The following MAPKAPK5 variants were observed in gnomAD, a reference collection of about 807,000 sequenced individuals.
The protein encoded by MAPKAPK5 is MAPK activated protein kinase 5.
MAPKAPK5 carries 30 observed loss-of-function variants against 65.1 expected under a neutral mutation model. That is an observed-to-expected ratio of 0.46 (90% CI 0.34 to 0.63). The LOEUF is 0.63. Ranked by LOEUF, MAPKAPK5 falls within the 20% of genes least tolerant of loss-of-function variation. The pLI is 0.01. For missense variants in MAPKAPK5, 433 were observed against 581.4 expected (o/e 0.74, Z 2.63); for synonymous variants, 179 against 204.6 (o/e 0.87, Z 1.07).
intron 7 of MAPKAPK5, among the ~76,000 whole-genome samples, chr12:111,872,052 A>G (rs769267454): frequency 6.6e-6 from 1 of 152,182 alleles, no homozygotes; most frequent in Non-Finnish European, 1.5e-5. Flanking sequence ...TTCATTATAT[A>G]CCTAAGCTGC....
intron 7 of MAPKAPK5, among the ~76,000 whole-genome samples, chr12:111,872,649 G>A (rs568825718): frequency 1.3e-5 from 2 of 152,324 alleles, no homozygotes; most frequent in Admixed American, 1.3e-4. Context: ...TAATCAAGGT[G>A]TCAGCAGGGC....
intron 1 of MAPKAPK5, among the ~76,000 whole-genome samples, chr12:111,858,446 C>CT (rs1429126873): frequency 6.6e-6 from 1 of 150,994 alleles, no homozygotes; most frequent in Admixed American, 6.6e-5. Context: ...TTTCTTTAAT[C>CT]TTTTTTCTGT....
At position 111,842,233 on chromosome 12, in the gene MAPKAPK5, G is replaced by A. The variant is rs928619601; in HGVS notation, c.-501G>A. 1.3e-5 allele frequency: 2 copies of A among 152,926 alleles called. No homozygotes were observed. The highest frequency in any genetic ancestry group is 4.8e-5 in the African/African-American group (2 of 41,420). The allele number at this position is 152,926 out of a possible 1,614,324, so 9.5% of individuals were successfully genotyped here. ...CGGGGCTGCCCGGCGCGGGTGTCCC[G>A]GCGATGTGTGGCGCTGAGGCGGCGG... is the stretch of plus-strand genomic sequence containing the variant. On this transcript the variant is annotated 5_prime_UTR_variant, in exon 1 of 14. Transcript: ENST00000550735.
intron 10 of MAPKAPK5, 84 bp downstream of exon 10, chr12:111,886,120 CA>C: frequency 1.3e-6 from 2 of 1,581,126 alleles, no homozygotes; most frequent in Non-Finnish European, 8.7e-7. Flanking sequence ...GGGTTAGAGG[CA>C]AAACAGTGCA....
chr12:111,849,237 G>T (rs2068995355), intron 1 of MAPKAPK5, among the ~76,000 whole-genome samples: 1 of 150,732 alleles, frequency 6.6e-6, no homozygotes, highest in African/African-American at 2.4e-5. Flanking sequence ...CTGGCCAAGA[G>T]TTCTTTTTTT....
In MAPKAPK5 at chr12:111,897,115, G is replaced by C. The variant is rs1331771691; in HGVS notation, c.*4054G>C. 1 of 152,188 alleles carries C rather than the reference G, an allele frequency of 6.6e-6. No homozygotes were observed. The highest frequency in any genetic ancestry group is 1.5e-5 in the Non-Finnish European group (1 of 68,086). The allele number at this position is 152,188 out of a possible 1,614,324, so 9.4% of individuals were successfully genotyped here. A position where few individuals can be genotyped will look rare whatever the true frequency, so the allele number is the denominator to read the frequency against. On this transcript the variant is annotated 3_prime_UTR_variant, in exon 14 of 14. Coordinates refer to ENST00000550735, the MANE Select transcript of MAPKAPK5 (RefSeq NM_003668.4). ...CCATTGCACTCCAGCCTGGGTGACAGAGCAAAACTCCGTCTCAGAAATAAA... is the reference window on the plus strand; with the variant it reads ...CCATTGCACTCCAGCCTGGGTGACACAGCAAAACTCCGTCTCAGAAATAAA...
intron 1 of MAPKAPK5, among the ~76,000 whole-genome samples, chr12:111,855,773 G>A (rs1217208403): frequency 4.0e-5 from 6 of 151,548 alleles, no homozygotes; most frequent in African/African-American, 1.5e-4. Flanking sequence ...ATTGCAGTGA[G>A]CCAAGATTGC....
intron 10 of MAPKAPK5, among the ~76,000 whole-genome samples, chr12:111,887,190 C>T (rs536564741): frequency 5.3e-5 from 8 of 152,250 alleles, no homozygotes; most frequent in African/African-American, 1.7e-4. Flanking sequence ...AAGTGTTAGA[C>T]GTCTCTTTCT....
At chr12:111,860,791 TTTTAAC>T (rs1367167041) in intron 1 of MAPKAPK5, among the ~76,000 whole-genome samples, 1 of 152,078 alleles carries the variant, frequency 6.6e-6, no homozygotes, top group Non-Finnish European at 1.5e-5. Context: ...CAATTTTAAT[TTTTAAC>T]TTTTCCATTG....
chr12:111,870,402 A>C, intron 6 of MAPKAPK5, 42 bp downstream of exon 6: 1 of 1,521,918 alleles, frequency 6.6e-7, no homozygotes, highest in Non-Finnish European at 9.1e-7. Context: ...TGCAACTCTT[A>C]ACATAGTTCA....
intron 1 of MAPKAPK5, among the ~76,000 whole-genome samples, chr12:111,855,938 C>G (rs969442589): frequency 6.6e-6 from 1 of 151,496 alleles, no homozygotes. Context: ...TCACCGCAAC[C>G]TCTGCCTCCC....
chr12:111,900,551 C>T lies in MAPKAPK5; in HGVS notation c.*7490C>T. ...TATTTAACAAGCCACGGCCCAGGGG[C>T]CGCAAGCGTAGGGATTCTGCCTGTG... is the stretch of plus-strand genomic sequence containing the variant. On this transcript the variant is annotated 3_prime_UTR_variant, in exon 14 of 14. Coordinates refer to ENST00000550735, the MANE Select transcript of MAPKAPK5 (RefSeq NM_003668.4). 2.2e-6 allele frequency: 1 copy of T among 456,114 alleles called. No homozygotes were observed. The highest frequency in any genetic ancestry group is 4.4e-6 in the Non-Finnish European group (1 of 226,806). 28.3% of individuals were successfully genotyped at this position (456,114 alleles called of 1,614,324 possible). A position where few individuals can be genotyped will look rare whatever the true frequency, so the allele number is the denominator to read the frequency against.
chr12:111,887,395 G>A (rs1479062403), intron 10 of MAPKAPK5, among the ~76,000 whole-genome samples: 6 of 152,210 alleles, frequency 3.9e-5, no homozygotes, highest in African/African-American at 1.4e-4. Flanking sequence ...GATAAGGCCA[G>A]GCATGGTGGC....
intron 7 of MAPKAPK5, among the ~76,000 whole-genome samples, chr12:111,876,500 A>C (rs963954983): frequency 2.0e-5 from 3 of 152,030 alleles, no homozygotes; most frequent in African/African-American, 7.2e-5. Flanking sequence ...TTGATTATGT[A>C]TGCATTCTTG....
At chr12:111,860,600 TG>T (rs912937959) in intron 1 of MAPKAPK5, among the ~76,000 whole-genome samples, 1 of 152,124 alleles carries the variant, frequency 6.6e-6, no homozygotes, top group African/African-American at 2.4e-5. Context: ...GGCCCCATGT[TG>T]GGAAAACTAG....
intron 1 of MAPKAPK5, among the ~76,000 whole-genome samples, chr12:111,862,544 T>C (rs977448625): frequency 6.6e-6 from 1 of 151,978 alleles, no homozygotes; most frequent in Admixed American, 6.6e-5. Context: ...CTACTAAAAA[T>C]ACAAAAATTA....
At chr12:111,862,851 TG>T in intron 1 of MAPKAPK5, among the ~76,000 whole-genome samples, 2 of 152,302 alleles carry the variant, frequency 1.3e-5, no homozygotes, top group Middle Eastern at 6.8e-3. Flanking sequence ...ATTAGTTGAG[TG>T]GAACAGTTTT....
At chr12:111,872,633 G>C (rs972332416) in intron 7 of MAPKAPK5, among the ~76,000 whole-genome samples, 1 of 152,178 alleles carries the variant, frequency 6.6e-6, no homozygotes, top group Non-Finnish European at 1.5e-5. Context: ...ATGGTACTCA[G>C]TGCTATAATC....
At chr12:111,877,178 C>CTCAGCCTCCCGAGTAGCTGGGATTAAA (rs1555272148) in intron 7 of MAPKAPK5, among the ~76,000 whole-genome samples, 14 of 152,190 alleles carry the variant, frequency 9.2e-5, no homozygotes, top group South Asian at 4.1e-4. Flanking sequence ...CCACCACGCC[C>CTCAGCCTCCCGAGTAGCTGGGATTAAA]GGCTAATTTT....
Sources: gnomAD v4.1 joint callset for allele counts (sites outside exome capture counted in the v4.1 genomes callset) on GRCh38, gnomAD v4.1.1 for gene constraint, MANE v1.5 for transcripts, NCBI Gene and HGNC (gene_info 2026-07-23, HGNC 2026-07-21) for gene names.